RGS6: variants seen among roughly 807,000 people sequenced by gnomAD.
The protein encoded by RGS6 is regulator of G protein signaling 6.
In RGS6, 30 loss-of-function variants were observed where a neutral mutation model predicts 78.5. That is an observed-to-expected ratio of 0.38 (90% CI 0.29 to 0.52). RGS6 has a LOEUF of 0.52. Among genes scored for constraint, RGS6 ranks in the 20% least tolerant of loss-of-function variants. The pLI is 0.85. For missense variants in RGS6, 495 were observed against 609.7 expected (o/e 0.81, Z 1.98); for synonymous variants, 206 against 206.0 (o/e 1.00, Z 0.00).
the RGS6 span, among the ~76,000 whole-genome samples, chr14:72,613,580 G>A: frequency 1.3e-5 from 2 of 152,176 alleles, no homozygotes; most frequent in Admixed American, 6.5e-5. Context: ...GACAGAAGCT[G>A]GAACAAAGGG....
At chr14:72,445,988 G>A (rs373443573) in intron 3 of RGS6, among the ~76,000 whole-genome samples, 3 of 152,150 alleles carry the variant, frequency 2.0e-5, no homozygotes, top group Non-Finnish European at 2.9e-5. Context: ...GCCAGTCATC[G>A]TGGTTCACAC....
At chr14:71,936,014 G>GGAGA (rs1555390316) in intron 1 of RGS6, among the ~76,000 whole-genome samples, 1 of 10,768 alleles carries the variant, frequency 9.3e-5, no homozygotes, top group African/African-American at 2.1e-4. Flanking sequence ...AGAACTAATA[G>GGAGA]GATATATATA....
At chr14:72,169,801 A>G (rs1025008717) in intron 2 of RGS6, among the ~76,000 whole-genome samples, 3 of 152,188 alleles carry the variant, frequency 2.0e-5, no homozygotes, top group Admixed American at 2.0e-4. Context: ...TGCCTATGAG[A>G]TGCAGAGTAT....
chr14:72,012,019 T>C (rs1182653785), intron 2 of RGS6, among the ~76,000 whole-genome samples: 1 of 152,224 alleles, frequency 6.6e-6, no homozygotes. Flanking sequence ...ATATTCATGT[T>C]TGGAAATCTG....
intron 2 of RGS6, among the ~76,000 whole-genome samples, chr14:72,104,935 A>G (rs780518251): frequency 6.6e-6 from 1 of 152,246 alleles, no homozygotes; most frequent in Non-Finnish European, 1.5e-5. Context: ...CTATGGTTCC[A>G]TCATTTGTTT....
At position 72,476,768 on chromosome 14, in the gene RGS6, C is replaced by T. The variant is rs2096251220; in HGVS notation, c.720C>T (p.Ser240=). 2 of 1,613,946 alleles carry T rather than the reference C, an allele frequency of 1.2e-6. No individual in the cohort carries two copies. Among genetic ancestry groups the T allele is most frequent in the African/African-American group, 2.7e-5 (2 of 74,892 alleles). Residue 240 remains serine (S), a synonymous_variant, in exon 11 of 18, where the codon TCC becomes TCT. Coordinates refer to ENST00000553525, the MANE Select transcript of RGS6 (RefSeq NM_001204424.2). ...KKSVYGVTEE[S]QAQSPVHVLS... ...CCGTGTATGGCGTGACTGAAGAGTCCCAGGCACAGAGCCCGGTGCATGTAC... is the reference window on the plus strand; with the variant it reads ...CCGTGTATGGCGTGACTGAAGAGTCTCAGGCACAGAGCCCGGTGCATGTAC...
intron 3 of RGS6, among the ~76,000 whole-genome samples, chr14:72,358,748 A>T (rs2080876309): frequency 6.6e-6 from 1 of 152,084 alleles, no homozygotes; most frequent in South Asian, 2.1e-4. Flanking sequence ...TTGGACTTGG[A>T]CTTTTGGGTT....
intron 2 of RGS6, among the ~76,000 whole-genome samples, chr14:72,142,735 T>C (rs1286254658): frequency 6.6e-6 from 1 of 152,312 alleles, no homozygotes; most frequent in African/African-American, 2.4e-5. Flanking sequence ...ATTTACAACA[T>C]TTAATGTTCA....
intron 3 of RGS6, among the ~76,000 whole-genome samples, chr14:72,399,276 C>G (rs560717349): frequency 6.6e-6 from 1 of 152,236 alleles, no homozygotes; most frequent in South Asian, 2.1e-4. Context: ...ATCCCCTTTA[C>G]CATTATGTAA....
intron 2 of RGS6, among the ~76,000 whole-genome samples, chr14:72,127,987 C>T (rs774697051): frequency 1.3e-5 from 2 of 152,084 alleles, no homozygotes; most frequent in Admixed American, 1.3e-4. Context: ...AGTTGTTGCA[C>T]GTATCAAGGG....
intron 2 of RGS6, among the ~76,000 whole-genome samples, chr14:72,287,640 T>C (rs569813572): frequency 1.3e-5 from 2 of 152,234 alleles, no homozygotes; most frequent in African/African-American, 4.8e-5. Context: ...GTATTTTTAG[T>C]AGAGACGGAG....
chr14:72,541,130 C>T (rs1404840599), intron 17 of RGS6: 2 of 1,367,916 alleles, frequency 1.5e-6, no homozygotes, highest in Non-Finnish European at 1.9e-6. Flanking sequence ...ATGCAGGGAG[C>T]TGGCCACATT....
intron 2 of RGS6, among the ~76,000 whole-genome samples, chr14:72,152,173 T>C (rs2096700265): frequency 6.6e-6 from 1 of 151,544 alleles, no homozygotes; most frequent in Non-Finnish European, 1.5e-5. Flanking sequence ...CTTGCTAAAT[T>C]GGGAAGGGAT....
chr14:72,296,264 T>C (rs1040753499), intron 2 of RGS6, among the ~76,000 whole-genome samples: 1 of 152,238 alleles, frequency 6.6e-6, no homozygotes, highest in Non-Finnish European at 1.5e-5. Flanking sequence ...TTCTCCTGTT[T>C]ATGGACACTT....
At chr14:72,147,730 G>A (rs1395402481) in intron 2 of RGS6, among the ~76,000 whole-genome samples, 1 of 152,044 alleles carries the variant, frequency 6.6e-6, no homozygotes, top group Non-Finnish European at 1.5e-5. Context: ...GAATGAACAA[G>A]GGTAAGGGCA....
At chr14:72,211,453 G>A (rs1452143784) in intron 2 of RGS6, among the ~76,000 whole-genome samples, 1 of 152,180 alleles carries the variant, frequency 6.6e-6, no homozygotes, top group Non-Finnish European at 1.5e-5. Flanking sequence ...TGTGGGTACG[G>A]ACACTTCCTT....
chr14:72,549,022 G>C (rs554393121), intron 17 of RGS6, among the ~76,000 whole-genome samples: 1 of 152,244 alleles, frequency 6.6e-6, no homozygotes, highest in East Asian at 1.9e-4. Context: ...AAATGGATCC[G>C]ACTGCATTTC....
chr14:72,462,223 A>C (rs1236563880), intron 6 of RGS6, among the ~76,000 whole-genome samples: 1 of 152,182 alleles, frequency 6.6e-6, no homozygotes, highest in African/African-American at 2.4e-5. Context: ...GAGAGGCAGC[A>C]TGATGCAGGG....
chr14:72,231,215 G>C (rs2049495458), intron 2 of RGS6, among the ~76,000 whole-genome samples: 4 of 152,116 alleles, frequency 2.6e-5, no homozygotes. Context: ...AACCCCACCA[G>C]TTAAAATGAA....
Sources: allele counts gnomAD v4.1 joint callset (sites outside exome capture counted in the v4.1 genomes callset), GRCh38; gene constraint gnomAD v4.1.1; transcripts MANE v1.5; gene names NCBI Gene and HGNC (gene_info 2026-07-23, HGNC 2026-07-21).